UNC45A: variants seen among roughly 807,000 people sequenced by gnomAD.
UNC45A encodes the protein protein unc-45 homolog A.
Under a neutral mutation model 103.2 loss-of-function variants are expected in UNC45A, and 78 were observed. The ratio of observed to expected loss-of-function variants is 0.76; its 90% CI spans 0.63 to 0.91. The LOEUF is 0.91. Ranked by LOEUF, UNC45A falls within the 40% of genes least tolerant of loss-of-function variation. UNC45A has a pLI of 0.00. For missense variants in UNC45A, 1,193 were observed against 1,224.8 expected (o/e 0.97, Z 0.39); for synonymous variants, 495 against 504.6 (o/e 0.98, Z 0.25).
At chr15:90,937,596 C>T (rs2036085873) in intron 4 of UNC45A, among the ~76,000 whole-genome samples, 2 of 151,472 alleles carry the variant, frequency 1.3e-5, no homozygotes, top group African/African-American at 2.4e-5. Flanking sequence ...AAGTGAGTCT[C>T]CTGCCTCAGT....
At chr15:90,948,050 A>T in intron 11 of UNC45A, 92 bp from the exon 12 acceptor site, 1 of 1,569,250 alleles carries the variant, frequency 6.4e-7, no homozygotes, top group South Asian at 1.1e-5. Flanking sequence ...CATTGAGGGG[A>T]TGCCCAAACC....
Position 90,953,282 on chromosome 15 carries a change from C to A in UNC45A, c.2549C>A (p.Pro850His). ...GGLAMLTSMR[P>H]TLCSRIPQVT... Reference sequence around the variant, plus strand: ...TTGGCCATGCTTACCTCCATGCGGCCCACGCTCTGCAGCCGCATTCCCCAA... The same window carrying A: ...TTGGCCATGCTTACCTCCATGCGGCACACGCTCTGCAGCCGCATTCCCCAA... Residue 850 changes from proline to histidine, a missense_variant, in exon 19 of 20, where the codon CCC becomes CAC. Coordinates refer to ENST00000418476, the MANE Select transcript of UNC45A (RefSeq NM_018671.5). The A allele has an allele frequency of 6.2e-7, 1 of 1,611,796 alleles. No individual in the cohort carries two copies. Among genetic ancestry groups the A allele is most frequent in the Non-Finnish European group, 8.5e-7 (1 of 1,179,354 alleles).
At position 90,952,951 on chromosome 15, in the gene UNC45A, G is replaced by A; in HGVS notation, c.2326G>A (p.Ala776Thr). ...CAGGCAGAAGATCCTGAAGGAGAAG[G>A]CTGTGCCCATGATAGAAGGCTACAT... Reference protein sequence around the residue: ...RLRQKILKEKAVPMIEGYMFE... With the variant: ...RLRQKILKEKTVPMIEGYMFE... The change falls in exon 18 of 20, where the codon GCT becomes ACT. Residue 776 changes from alanine (A) to threonine (T), a missense_variant. Physicochemically the swap from Ala to Thr is moderately conservative, Grantham distance 58. Transcript: ENST00000418476. 1 of 1,613,160 alleles carries A rather than the reference G, an allele frequency of 6.2e-7. No homozygotes were observed. Among genetic ancestry groups the A allele is most frequent in the South Asian group, 1.1e-5 (1 of 91,090 alleles).
At chr15:90,933,346 G>C (rs1193973484), upstream of UNC45A, 1 of 152,544 alleles carries the variant, frequency 6.6e-6, no homozygotes, top group African/African-American at 2.4e-5. Context: ...GTAGGCACTG[G>C]AATAACACTT....
upstream of UNC45A, chr15:90,935,275 G>T (rs1043812313): frequency 5.8e-6 from 9 of 1,555,172 alleles, no homozygotes; most frequent in Middle Eastern, 1.7e-4. Flanking sequence ...ACCCAGACTC[G>T]CCCCGCCCCA....
chr15:90,947,556 C>A, intron 10 of UNC45A: 1 of 555,500 alleles, frequency 1.8e-6, no homozygotes, highest in East Asian at 3.0e-5. Flanking sequence ...GTGGGGCCCA[C>A]GACTGTCCAG....
intron 19 of UNC45A, 47 bp downstream of exon 19, chr15:90,953,357 C>T (rs1226344324): frequency 2.5e-6 from 4 of 1,592,834 alleles, no homozygotes; most frequent in Non-Finnish European, 3.4e-6. Context: ...CCAGGAACTC[C>T]CAGCAGCAGC....
rs1370065846 is a variant in UNC45A at position 90,946,651 on chromosome 15, C to CG, written c.1240dup (p.Ala414GlyfsTer14). 2 of 1,611,088 alleles carry CG rather than the reference C, an allele frequency of 1.2e-6. No individual in the cohort carries two copies. The highest frequency in any genetic ancestry group is 3.3e-5 in the Admixed American group (2 of 59,938). On this transcript the variant is annotated frameshift_variant, in exon 10 of 20. Coordinates refer to ENST00000418476, the MANE Select transcript of UNC45A (RefSeq NM_018671.5). LOFTEE classifies it high-confidence loss of function. ...GGGCCAAGGGCTGGCCGGGAAGCTA[C>CG]GGGCCATCCAGACGGTGTCCTGCCT...
rs1213094482 is a variant in UNC45A at position 90,948,643 on chromosome 15, T to G, written c.1738-11T>G. 1.9e-6 allele frequency: 3 copies of G among 1,613,092 alleles called. No homozygotes were observed. In the African/African-American group the frequency reaches 4.0e-5, roughly 22 times the overall value. The stretch of plus-strand genomic sequence containing the variant: ...CGGGATGCCCATGTGAATTCCTCTG[T>G]GTCCTGGCAGTTGGAGGAGAGGTCA... On this transcript the variant is annotated splice_polypyrimidine_tract_variant and intron_variant, in intron 12 of 19. Coordinates refer to ENST00000418476, the MANE Select transcript of UNC45A (RefSeq NM_018671.5).
At chr15:90,931,248 G>A, upstream of UNC45A, 1 of 1,550,436 alleles carries the variant, frequency 6.4e-7, no homozygotes, top group Non-Finnish European at 8.7e-7. Context: ...GGCTGGAGTT[G>A]TGCCTCTGGA....
chr15:90,949,607 TGCCA>T, intron 14 of UNC45A, 43 bp from the exon 15 acceptor site: 1 of 1,611,778 alleles, frequency 6.2e-7, no homozygotes, highest in South Asian at 1.1e-5. Flanking sequence ...AGCGTCTGCC[TGCCA>T]GAGTCCCAGA....
At chr15:90,931,206 G>A, upstream of UNC45A, 1 of 1,516,784 alleles carries the variant, frequency 6.6e-7, no homozygotes. Context: ...ACACAGAAAA[G>A]ATGGCGTATG....
intron 3 of UNC45A, 23 bp downstream of exon 3, chr15:90,936,005 T>C: frequency 6.2e-7 from 1 of 1,613,728 alleles, no homozygotes; most frequent in Non-Finnish European, 8.5e-7. Context: ...TGGGCCCTGG[T>C]GTGGAGCTGT....
chr15:90,935,987 G>T lies in UNC45A; in HGVS notation c.250+5G>T. 6.2e-7 allele frequency: 1 copy of T among 1,614,052 alleles called. No individual in the cohort carries two copies. Among genetic ancestry groups the T allele is most frequent in the Non-Finnish European group, 8.5e-7 (1 of 1,180,012 alleles). Reference sequence around the variant, plus strand: ...CAGAAACAGAGGCATCCAAAGGTAGGGGAATGGTGGGCCCTGGTGTGGAGC... The same window carrying T: ...CAGAAACAGAGGCATCCAAAGGTAGTGGAATGGTGGGCCCTGGTGTGGAGC... On this transcript the variant is annotated splice_donor_5th_base_variant and intron_variant, in intron 3 of 19. Coordinates refer to ENST00000418476, the MANE Select transcript of UNC45A (RefSeq NM_018671.5).
At chr15:90,938,111 GTTTC>G (rs2151357169) in intron 4 of UNC45A, among the ~76,000 whole-genome samples, 1 of 152,150 alleles carries the variant, frequency 6.6e-6, no homozygotes, top group South Asian at 2.1e-4. Flanking sequence ...ATGCATTTTT[GTTTC>G]TTTATTTTTT....
chr15:90,936,875 T>C (rs1328484213), intron 4 of UNC45A, among the ~76,000 whole-genome samples: 1 of 152,254 alleles, frequency 6.6e-6, no homozygotes, highest in East Asian at 1.9e-4. Context: ...GACATGTGTA[T>C]GTTTATTTCA....
chr15:90,935,633 C>T lies in UNC45A; in HGVS notation c.141C>T (p.Ala47=), dbSNP rs779377964. The change falls in exon 2 of 20, where the codon GCC becomes GCT. Residue 47 remains alanine (A), a synonymous_variant. Transcript: ENST00000418476. ...YGGALAAYTQ[A]LGLDATPQDQ... ...GCGCCCTGGCGGCCTACACTCAGGC[C>T]CTGGGTCTGGACGCGACGCCCCAGG... is the stretch of plus-strand genomic sequence containing the variant. 2.5e-6 allele frequency: 4 copies of T among 1,612,852 alleles called. No individual in the cohort carries two copies. The South Asian group carries it at 4.4e-5, about 18-fold the overall frequency.
intron 8 of UNC45A, among the ~76,000 whole-genome samples, chr15:90,944,376 C>T (rs1425652055): frequency 6.6e-6 from 1 of 151,416 alleles, no homozygotes; most frequent in African/African-American, 2.4e-5. Context: ...AACAGGGCGA[C>T]TCTGTCTTAA....
intron 10 of UNC45A, 176 bp downstream of exon 10, chr15:90,947,090 G>A (rs1596232817): frequency 1.4e-6 from 1 of 694,270 alleles, no homozygotes; most frequent in East Asian, 2.8e-5. Context: ...TTGGGAGGCT[G>A]AGGCAGGAGG....
Sources: gnomAD v4.1 joint callset for allele counts (sites outside exome capture counted in the v4.1 genomes callset) on GRCh38, gnomAD v4.1.1 for gene constraint, MANE v1.5 for transcripts, NCBI Gene and HGNC (gene_info 2026-07-23, HGNC 2026-07-21) for gene names.